Variants in NR1I2 observed in about 807,000 individuals in gnomAD.
NR1I2 encodes the protein orphan nuclear receptor PAR1.
In NR1I2, 42 loss-of-function variants were observed where a neutral mutation model predicts 43.3. The observed-to-expected ratio is 0.97, with a 90% CI of 0.76 to 1.26. The LOEUF (loss-of-function observed/expected upper bound fraction) is 1.26, where lower values mean the gene tolerates loss of function less well. Ranked by LOEUF, NR1I2 falls within the 50% of genes most tolerant of loss-of-function variation. The probability of loss-of-function intolerance (pLI) is 0.00; values close to 1 mark genes in which losing one functional copy is unlikely to be tolerated. For synonymous variants in NR1I2, 229 were observed against 215.0 expected (o/e 1.06, Z -0.57); for missense variants, 559 against 566.7 (o/e 0.99, Z 0.14).
At chr3:119,782,732 A>C (rs1222506445) in intron 1 of NR1I2, 2 of 1,442,332 alleles carry the variant, frequency 1.4e-6, no homozygotes, top group African/African-American at 2.9e-5. Flanking sequence ...TAGTGCTGGC[A>C]GCCCCCTGAG....
chr3:119,795,781 T>C (rs4687885), intron 1 of NR1I2, among the ~76,000 whole-genome samples: 14,391 of 152,268 alleles, frequency 0.095, 1,529 homozygotes, highest in African/African-American at 0.26. Context: ...AGATCATCCC[T>C]TTTCTAGTAT....
chr3:119,804,547 C>T (rs988880423), intron 1 of NR1I2, among the ~76,000 whole-genome samples: 20 of 149,620 alleles, frequency 1.3e-4, no homozygotes, highest in African/African-American at 3.7e-4. Flanking sequence ...TGGGTTTGAG[C>T]GATTCTCCTG....
chr3:119,815,222 G>A lies in NR1I2; in HGVS notation c.937+101G>A, dbSNP rs997997537. 7 of 1,583,332 alleles carry A rather than the reference G, an allele frequency of 4.4e-6. No individual in the cohort carries two copies. In the Admixed American group the frequency reaches 8.3e-5, roughly 19 times the overall value. On this transcript the variant is annotated intron_variant, in intron 6 of 8. Transcript: ENST00000393716. ...GATATGCAGGTTCTGGGATGGCAGGGCAGGAAGATGGAATGGTGGAAAACA... is the reference window on the plus strand; with the variant it reads ...GATATGCAGGTTCTGGGATGGCAGGACAGGAAGATGGAATGGTGGAAAACA...
chr3:119,809,252 T>C (rs1202975967), intron 2 of NR1I2, among the ~76,000 whole-genome samples: 1 of 152,090 alleles, frequency 6.6e-6, no homozygotes, highest in Non-Finnish European at 1.5e-5. Flanking sequence ...GTGTCTTTTG[T>C]GGGACAGGCA....
At chr3:119,795,393 T>C (rs531068295) in intron 1 of NR1I2, among the ~76,000 whole-genome samples, 1 of 152,188 alleles carries the variant, frequency 6.6e-6, no homozygotes, top group Non-Finnish European at 1.5e-5. Context: ...GCTCAGCCAG[T>C]CAGCCCTGCC....
chr3:119,785,995 T>C (rs1043449369), intron 1 of NR1I2, among the ~76,000 whole-genome samples: 1 of 152,248 alleles, frequency 6.6e-6, no homozygotes, highest in Non-Finnish European at 1.5e-5. Flanking sequence ...CCAAGAATTT[T>C]AAATCATGAA....
At position 119,815,778 on chromosome 3, in the gene NR1I2, C is replaced by T. The variant is rs369188703; in HGVS notation, c.1107C>T (p.Phe369=). ...TGGTGGACCAGCTGCAGGAGCAATTCGCCATTACTCTGAAGTCCTACATTG... is the reference window on the plus strand; with the variant it reads ...TGGTGGACCAGCTGCAGGAGCAATTTGCCATTACTCTGAAGTCCTACATTG... The change falls in exon 8 of 9, where the codon TTC becomes TTT. Residue 369 remains phenylalanine (F), a synonymous_variant. Coordinates refer to ENST00000393716, the MANE Select transcript of NR1I2 (RefSeq NM_003889.4). 36 of 1,613,664 alleles carry T rather than the reference C, an allele frequency of 2.2e-5. No homozygotes were observed. The highest frequency in any genetic ancestry group is 1.5e-4 in the South Asian group (14 of 90,908).
At chr3:119,804,505 C>T (rs1246118011) in intron 1 of NR1I2, among the ~76,000 whole-genome samples, 1 of 140,080 alleles carries the variant, frequency 7.1e-6, no homozygotes, top group Non-Finnish European at 1.5e-5. Context: ...AGTGCAGTGG[C>T]GCGATTTCGG....
intron 1 of NR1I2, among the ~76,000 whole-genome samples, chr3:119,798,491 A>G (rs979366681): frequency 2.6e-5 from 4 of 152,248 alleles, no homozygotes; most frequent in Middle Eastern, 3.4e-3. Context: ...AGCTATCATC[A>G]AAATCTAATT....
chr3:119,787,490 A>G (rs1480621279), intron 1 of NR1I2, among the ~76,000 whole-genome samples: 1 of 152,114 alleles, frequency 6.6e-6, no homozygotes, highest in African/African-American at 2.4e-5. Flanking sequence ...GTAAACAGCA[A>G]AACTTGTGCA....
At chr3:119,782,495 G>A (rs984070855) in intron 1 of NR1I2, among the ~76,000 whole-genome samples, 195 bp downstream of exon 1, 3 of 151,852 alleles carry the variant, frequency 2.0e-5, no homozygotes, top group Non-Finnish European at 4.4e-5. Flanking sequence ...ACTTAATGTT[G>A]AGCCCCATTA....
At chr3:119,783,736 A>G (rs941761000) in intron 1 of NR1I2, among the ~76,000 whole-genome samples, 1 of 152,168 alleles carries the variant, frequency 6.6e-6, no homozygotes, top group Admixed American at 6.5e-5. Context: ...CCTAATCTCC[A>G]GTTTCCCCAA....
At position 119,806,819 on chromosome 3, in the gene NR1I2, A is replaced by G. The variant is rs1005291509; in HGVS notation, c.-22-410A>G. Among the ~76,000 whole-genome samples, 4 of 152,274 alleles carry G rather than the reference A, an allele frequency of 2.6e-5. No individual in the cohort carries two copies. The South Asian group carries it at 6.2e-4, about 24-fold the overall frequency. On this transcript the variant is annotated intron_variant, in intron 1 of 8. Coordinates refer to ENST00000393716, the MANE Select transcript of NR1I2 (RefSeq NM_003889.4). ...ATCCTCCCTCAATGTCCCCAGTCCC[A>G]GAAATCATCTTGAACAAGTAATCTG...
intron 3 of NR1I2, 54 bp downstream of exon 3, chr3:119,810,248 G>A: frequency 1.3e-6 from 2 of 1,549,898 alleles, no homozygotes; most frequent in Non-Finnish European, 1.7e-6. Context: ...CTCTGAGTAA[G>A]GACGTGCCGT....
Position 119,810,094 on chromosome 3 carries a change from C to G in NR1I2, c.231C>G (p.Cys77Trp), listed in dbSNP as rs2055216816. Reference sequence around the variant, plus strand: ...TGAAACGCAACGCCCGGCTGAGGTGCCCCTTCCGGAAGGGCGCCTGCGAGA... The same window carrying G: ...TGAAACGCAACGCCCGGCTGAGGTGGCCCTTCCGGAAGGGCGCCTGCGAGA... The change falls in exon 3 of 9, where the codon TGC (cysteine) becomes TGG (tryptophan). Residue 77 changes from cysteine (C) to tryptophan (W), a missense_variant. By Grantham distance (215) the Cys-to-Trp change is radical. Around this residue, in one of 3 missense-constraint regions of NR1I2, gnomAD observed 232 missense variants for 236.6 expected, o/e 0.98. Transcript: ENST00000393716. The G allele has an allele frequency of 6.2e-7, 1 of 1,613,870 alleles. No individual in the cohort carries two copies. The highest frequency in any genetic ancestry group is 8.5e-7 in the Non-Finnish European group (1 of 1,179,926).
In NR1I2 at chr3:119,811,719, A is replaced by C. The variant is rs373183819; in HGVS notation, c.512A>C (p.Asn171Thr). Reference sequence around the variant, plus strand: ...GACACTACCTTCTCCCATTTCAAGAATTTCCGGGTAGGAGGAACTGCACAG... The same window carrying C: ...GACACTACCTTCTCCCATTTCAAGACTTTCCGGGTAGGAGGAACTGCACAG... The change falls in exon 4 of 9, where the codon AAT becomes ACT. Residue 171 changes from asparagine to threonine, a missense_variant. Physicochemically the swap from Asn to Thr is moderately conservative, Grantham distance 65. Coordinates refer to ENST00000393716, the MANE Select transcript of NR1I2 (RefSeq NM_003889.4). 1.2e-6 allele frequency: 2 copies of C among 1,608,034 alleles called. No individual in the cohort carries two copies. The highest frequency in any genetic ancestry group is 2.7e-5 in the African/African-American group (2 of 74,794).
At chr3:119,809,960 G>C in intron 2 of NR1I2, 101 bp from the exon 3 acceptor site, 2 of 1,473,514 alleles carry the variant, frequency 1.4e-6, no homozygotes, top group Non-Finnish European at 1.9e-6. Context: ...CCCCCTCCCC[G>C]AGTCGGTAGG....
intron 1 of NR1I2, among the ~76,000 whole-genome samples, chr3:119,793,737 C>T (rs998187029): frequency 6.6e-6 from 1 of 152,158 alleles, no homozygotes; most frequent in Non-Finnish European, 1.5e-5. Flanking sequence ...CTGCAGAGAC[C>T]CTTTTGCCAT....
rs768372778 is a variant in NR1I2 at position 119,807,257 on chromosome 3, G to A, written c.7G>A (p.Val3Met). The change falls in exon 2 of 9, where the codon GTG (valine) becomes ATG (methionine). Residue 3 changes from valine (V) to methionine (M), a missense_variant. Around this residue, in one of 3 missense-constraint regions of NR1I2, gnomAD observed 232 missense variants for 236.6 expected, o/e 0.98. Transcript: ENST00000393716. ...AAGAGGCCCAGAAGCAAACCTGGAGGTGAGACCCAAAGAAAGCTGGAACCA... is the reference window on the plus strand; with the variant it reads ...AAGAGGCCCAGAAGCAAACCTGGAGATGAGACCCAAAGAAAGCTGGAACCA... 1 of 1,614,158 alleles carries A rather than the reference G, an allele frequency of 6.2e-7. No homozygotes were observed. Among genetic ancestry groups the A allele is most frequent in the South Asian group, 1.1e-5 (1 of 91,078 alleles).
Sources: allele counts gnomAD v4.1 joint callset (sites outside exome capture counted in the v4.1 genomes callset), GRCh38; gene constraint gnomAD v4.1.1; regional missense constraint gnomAD v4.1.1; transcripts MANE v1.5; gene names NCBI Gene and HGNC (gene_info 2026-07-23, HGNC 2026-07-21).